The following VWC2 variants were observed in gnomAD, a reference collection of about 807,000 sequenced individuals.
VWC2 encodes the protein brorin.
A neutral mutation model predicts 29.8 loss-of-function variants in VWC2; 14 were observed. That is an observed-to-expected ratio of 0.47 (90% CI 0.31 to 0.74). VWC2 has a LOEUF of 0.74. Ranked by LOEUF, VWC2 falls within the 30% of genes least tolerant of loss-of-function variation. The pLI is 0.05. For synonymous variants in VWC2, 213 were observed against 199.0 expected, an observed-to-expected ratio of 1.07 and a Z score of -0.59; for missense variants, 457 against 459.8, an observed-to-expected ratio of 0.99 and a Z score of 0.05.
rs374305638 is a variant in VWC2 at position 49,819,534 on chromosome 7, CAT to C, written c.826+16696_826+16697del. 4.5e-4 allele frequency among the ~76,000 whole-genome samples: 69 copies of C among 152,232 alleles called. 1 individual carries two copies. The East Asian group carries it at 7.5e-3, about 17-fold the overall frequency. ...TCTTTATATTGTAGGGGAAAAATAACATAGGTTTGTAGTGGGGAGACCTGTTA... is the reference window on the plus strand; with the variant it reads ...TCTTTATATTGTAGGGGAAAAATAACAGGTTTGTAGTGGGGAGACCTGTTA... On this transcript the variant is annotated intron_variant, in intron 3 of 3. Coordinates refer to ENST00000340652, the MANE Select transcript of VWC2 (RefSeq NM_198570.5).
intron 2 of VWC2, among the ~76,000 whole-genome samples, chr7:49,792,685 C>T (rs1218833767): frequency 3.3e-5 from 5 of 152,218 alleles, no homozygotes; most frequent in African/African-American, 7.2e-5. Context: ...CCTGTCCTGG[C>T]GGCCAGAGGT....
intron 3 of VWC2, among the ~76,000 whole-genome samples, chr7:49,805,729 G>C (rs1017872344): frequency 6.6e-6 from 1 of 152,176 alleles, no homozygotes; most frequent in Non-Finnish European, 1.5e-5. Context: ...ACAGATTAGA[G>C]GACATCAGAA....
chr7:49,835,828 C>A (rs1194487807), intron 3 of VWC2, among the ~76,000 whole-genome samples: 1 of 152,196 alleles, frequency 6.6e-6, no homozygotes, highest in Admixed American at 6.5e-5. Context: ...TTAGCTATCT[C>A]TCTTTGAACC....
intron 3 of VWC2, among the ~76,000 whole-genome samples, chr7:49,881,842 C>T (rs1254241848): frequency 6.6e-6 from 1 of 151,840 alleles, no homozygotes; most frequent in Non-Finnish European, 1.5e-5. Flanking sequence ...TACTACTAAA[C>T]AGATATTTTT....
At chr7:49,806,243 A>C (rs17133506) in intron 3 of VWC2, among the ~76,000 whole-genome samples, 16,773 of 152,254 alleles carry the variant, frequency 0.11, 988 homozygotes, top group African/African-American at 0.13. Context: ...CTAGGCTCCC[A>C]TTAGCGATCA....
intron 3 of VWC2, among the ~76,000 whole-genome samples, chr7:49,839,813 A>G (rs1789751606): frequency 6.6e-6 from 1 of 152,216 alleles, no homozygotes; most frequent in South Asian, 2.1e-4. Flanking sequence ...AGGAGTGAGA[A>G]CCACATGTTT....
intron 3 of VWC2, among the ~76,000 whole-genome samples, chr7:49,897,851 G>A (rs1372025612): frequency 9.2e-5 from 14 of 152,216 alleles, no homozygotes; most frequent in Non-Finnish European, 1.9e-4. Context: ...CACACTTTGA[G>A]TTTTACTGCC....
intron 3 of VWC2, among the ~76,000 whole-genome samples, chr7:49,898,129 G>A (rs6964101): frequency 0.77 from 116,284 of 151,958 alleles, 44,665 homozygotes; most frequent in East Asian, 0.89. Context: ...GTGTGTGTGT[G>A]TATGTATGTG....
intron 3 of VWC2, among the ~76,000 whole-genome samples, chr7:49,855,483 C>T (rs138179839): frequency 5.1e-4 from 77 of 152,160 alleles, no homozygotes; most frequent in Admixed American, 9.8e-4. Flanking sequence ...TTGGGTATTT[C>T]CCAGGTGAAA....
chr7:49,888,650 G>A (rs766401623), intron 3 of VWC2, among the ~76,000 whole-genome samples: 16 of 152,070 alleles, frequency 1.1e-4, no homozygotes, highest in South Asian at 4.2e-4. Flanking sequence ...GTGGCTCACC[G>A]CTGTAATCCC....
intron 3 of VWC2, among the ~76,000 whole-genome samples, chr7:49,896,366 C>T (rs1303200561): frequency 6.6e-6 from 1 of 152,056 alleles, no homozygotes; most frequent in African/African-American, 2.4e-5. Context: ...TAACACATCA[C>T]AACTTGTGAG....
At chr7:49,851,118 G>A (rs914136921) in intron 3 of VWC2, among the ~76,000 whole-genome samples, 1 of 152,146 alleles carries the variant, frequency 6.6e-6, no homozygotes, top group Non-Finnish European at 1.5e-5. Context: ...GGCTCCTAGT[G>A]GCTGCCCGCC....
chr7:49,879,867 A>G (rs909560712), intron 3 of VWC2, among the ~76,000 whole-genome samples: 1 of 152,046 alleles, frequency 6.6e-6, no homozygotes, highest in Non-Finnish European at 1.5e-5. Context: ...AAAACCTCAG[A>G]AAGTTATTTG....
intron 2 of VWC2, among the ~76,000 whole-genome samples, chr7:49,778,204 T>C (rs1583618461): frequency 1.3e-5 from 2 of 152,266 alleles, no homozygotes; most frequent in African/African-American, 4.8e-5. Context: ...TCCTCTTTGC[T>C]ACCTGTTTGG....
chr7:49,840,115 T>C (rs113240968), intron 3 of VWC2, among the ~76,000 whole-genome samples: 2,212 of 152,282 alleles, frequency 0.015, 34 homozygotes, highest in African/African-American at 0.036. Flanking sequence ...TGCACCTCAC[T>C]TTCCACCCGA....
At position 49,780,768 on chromosome 7, in the gene VWC2, G is replaced by A. The variant is rs1292601067; in HGVS notation, c.696+4637G>A. 7.9e-5 allele frequency among the ~76,000 whole-genome samples: 12 copies of A among 152,192 alleles called. 1 individual carries two copies. The highest frequency in any genetic ancestry group is 7.9e-4 in the Admixed American group (12 of 15,278). ...GACTGTCTTTCAAAGCATAAGAACT[G>A]TTGAGAGAGAGATAACAGGAAGGGG... On this transcript the variant is annotated intron_variant, in intron 2 of 3. Transcript: ENST00000340652.
chr7:49,865,673 G>A (rs1171336220), intron 3 of VWC2, among the ~76,000 whole-genome samples: 1 of 152,222 alleles, frequency 6.6e-6, no homozygotes, highest in African/African-American at 2.4e-5. Context: ...TCCAAAGCAA[G>A]TCACATGTCA....
intron 3 of VWC2, among the ~76,000 whole-genome samples, chr7:49,897,127 C>T (rs539982921): frequency 9.1e-4 from 139 of 151,996 alleles, no homozygotes; most frequent in Non-Finnish European, 2.4e-4. Flanking sequence ...GATCTCCTGA[C>T]CTCATGATCC....
At chr7:49,867,619 C>A (rs1790956900) in intron 3 of VWC2, among the ~76,000 whole-genome samples, 1 of 152,188 alleles carries the variant, frequency 6.6e-6, no homozygotes, top group South Asian at 2.1e-4. Context: ...CAGGAGACAT[C>A]TGAGGCATTC....
Sources: allele counts gnomAD v4.1 joint callset (sites outside exome capture counted in the v4.1 genomes callset), GRCh38; gene constraint gnomAD v4.1.1; transcripts MANE v1.5; gene names NCBI Gene and HGNC (gene_info 2026-07-23, HGNC 2026-07-21).